The following PXDN variants were observed in gnomAD, a reference collection of about 807,000 sequenced individuals.
PXDN encodes peroxidasin.
A neutral mutation model predicts 140.3 loss-of-function variants in PXDN; 77 were observed. That is an observed-to-expected ratio of 0.55 (90% CI 0.46 to 0.66). The LOEUF (loss-of-function observed/expected upper bound fraction) is 0.66, where lower values mean the gene tolerates loss of function less well. Among genes scored for constraint, PXDN ranks in the 30% least tolerant of loss-of-function variants. The pLI is 0.00. For missense variants in PXDN, 1,838 were observed against 2,039.5 expected, an observed-to-expected ratio of 0.90 and a Z score of 1.90; for synonymous variants, 911 against 857.4, an observed-to-expected ratio of 1.06 and a Z score of -1.09.
intron 1 of PXDN, among the ~76,000 whole-genome samples, chr2:1,697,874 C>T (rs1244636126): frequency 6.6e-6 from 1 of 152,238 alleles, no homozygotes; most frequent in African/African-American, 2.4e-5. Context: ...GGGGCTCTGG[C>T]ACGCCCTCTA....
In PXDN at chr2:1,683,743, T is replaced by C; in HGVS notation, c.489-16A>G. 1 of 1,581,982 alleles carries C rather than the reference T, an allele frequency of 6.3e-7. No individual in the cohort carries two copies. The highest frequency in any genetic ancestry group is 8.6e-7 in the Non-Finnish European group (1 of 1,163,552). On this transcript the variant is annotated splice_polypyrimidine_tract_variant and intron_variant, in intron 5 of 22. Coordinates refer to ENST00000252804, the MANE Select transcript of PXDN (RefSeq NM_012293.3). ...ATGCAAAAATCTGTTGAAAGAGATTTTATAACAAACCAATTTTGAAAAATA... is the reference window on the plus strand; with the variant it reads ...ATGCAAAAATCTGTTGAAAGAGATTCTATAACAAACCAATTTTGAAAAATA...
rs1684089447 is a variant in PXDN, at chr2:1,687,507, TC to T, written c.416+124del. On this transcript the variant is annotated intron_variant, in intron 4 of 22. Coordinates refer to ENST00000252804, the MANE Select transcript of PXDN (RefSeq NM_012293.3). This position sits in a 1 kb window ranked among gnomAD's most constrained non-coding sequence, Gnocchi z 4.0. ...TGTTTTTCCGTCATCATGCACGTACTCCCCGCACCTCAGGTAGCATAGTCAT... is the reference window on the plus strand; with the variant it reads ...TGTTTTTCCGTCATCATGCACGTACTCCCGCACCTCAGGTAGCATAGTCAT... The T allele has an allele frequency of 4.8e-6, 3 of 621,680 alleles. No individual in the cohort carries two copies. The highest frequency in any genetic ancestry group is 7.5e-6 in the Non-Finnish European group (3 of 397,586). 38.5% of individuals were successfully genotyped at this position (621,680 alleles called of 1,614,324 possible).
At chr2:1,736,461 A>G (rs1247752722) in intron 1 of PXDN, among the ~76,000 whole-genome samples, 1 of 152,162 alleles carries the variant, frequency 6.6e-6, no homozygotes, top group Admixed American at 6.5e-5. Context: ...ATTTAGATTA[A>G]GTTTGTAGTC....
intron 12 of PXDN, 107 bp downstream of exon 12, chr2:1,663,498 C>A: frequency 2.1e-6 from 3 of 1,461,678 alleles, no homozygotes; most frequent in Non-Finnish European, 2.8e-6. Flanking sequence ...GAGAGAACAG[C>A]CAACGCTTTA....
In PXDN at chr2:1,660,936, A is replaced by C. The variant is rs1683290054; in HGVS notation, c.1782T>G (p.Cys594Trp). 1 of 1,613,980 alleles carries C rather than the reference A, an allele frequency of 6.2e-7. No homozygotes were observed. The highest frequency in any genetic ancestry group is 8.5e-7 in the Non-Finnish European group (1 of 1,179,884). The change falls in exon 14 of 23, where the codon TGT becomes TGG. Residue 594 changes from cysteine to tryptophan, a missense_variant. Around this residue, in one of 5 missense-constraint regions of PXDN, gnomAD observed 537 missense variants for 583.9 expected, o/e 0.92. Coordinates refer to ENST00000252804, the MANE Select transcript of PXDN (RefSeq NM_012293.3). This position sits in a 1 kb window ranked among gnomAD's most constrained non-coding sequence, Gnocchi z 4.6. ...CCGACCCAATGGTGTTCCGGGCCAC[A>C]CACTCATAGCGACCTGCGTCTGCAG... ...VGPADAGRYE[C>W]VARNTIGSAS...
intron 9 of PXDN, among the ~76,000 whole-genome samples, chr2:1,670,413 T>C (rs1238628876): frequency 6.6e-6 from 1 of 152,154 alleles, no homozygotes; most frequent in East Asian, 1.9e-4. Context: ...TTTTTGTATA[T>C]AGATAGGAAA....
At chr2:1,727,422 G>A (rs1020362306) in intron 1 of PXDN, among the ~76,000 whole-genome samples, 4 of 152,256 alleles carry the variant, frequency 2.6e-5, no homozygotes, top group African/African-American at 7.2e-5. Context: ...GCGCTAGGAG[G>A]TTTGCACGCA....
intron 16 of PXDN, among the ~76,000 whole-genome samples, chr2:1,652,342 A>G (rs75140236): frequency 0.014 from 2,092 of 152,242 alleles, 44 homozygotes; most frequent in African/African-American, 0.047. Context: ...AGAAGAGAAC[A>G]TGGCCTTTCT....
chr2:1,731,655 C>G (rs1181677353), intron 1 of PXDN, among the ~76,000 whole-genome samples: 3 of 152,170 alleles, frequency 2.0e-5, no homozygotes, highest in Non-Finnish European at 4.4e-5. Flanking sequence ...CAGCCACAGA[C>G]GAAATGGAGA....
rs1318363706 is a variant in PXDN, at chr2:1,691,916, T to A, written c.344+12A>T. The A allele has an allele frequency of 6.9e-7, 1 of 1,453,854 alleles. No individual in the cohort carries two copies. The highest frequency in any genetic ancestry group is 1.4e-5 in the African/African-American group (1 of 69,720). 90.1% of individuals were successfully genotyped at this position (1,453,854 alleles called of 1,614,324 possible). On this transcript the variant is annotated intron_variant, in intron 3 of 22. Coordinates refer to ENST00000252804, the MANE Select transcript of PXDN (RefSeq NM_012293.3). ...ATAAGCTTTTAGGTTAAAGAACTGATCATTAACTTACAGATATTTTAAATT... is the reference window on the plus strand; with the variant it reads ...ATAAGCTTTTAGGTTAAAGAACTGAACATTAACTTACAGATATTTTAAATT...
intron 1 of PXDN, among the ~76,000 whole-genome samples, chr2:1,717,280 G>T (rs1434709674): frequency 6.6e-6 from 1 of 152,134 alleles, no homozygotes; most frequent in Non-Finnish European, 1.5e-5. Flanking sequence ...CTGGCTGGTG[G>T]AAAGTCTGAC....
Position 1,649,724 on chromosome 2 carries a change from G to A in PXDN, c.2105-49C>T. ...CGCACTCAATTCCCCTGGAGGATGT[G>A]TGAGGGCCCGGTACCCCTTGGCACC... is the stretch of plus-strand genomic sequence containing the variant. On this transcript the variant is annotated intron_variant, in intron 16 of 22. Transcript: ENST00000252804. This position sits in a 1 kb window ranked among gnomAD's most constrained non-coding sequence, Gnocchi z 7.1. 6.3e-7 allele frequency: 1 copy of A among 1,596,454 alleles called. No individual in the cohort carries two copies. The highest frequency in any genetic ancestry group is 1.1e-5 in the South Asian group (1 of 90,224).
intron 14 of PXDN, among the ~76,000 whole-genome samples, chr2:1,655,292 G>A (rs140319450): frequency 0.013 from 1,843 of 146,212 alleles, 25 homozygotes; most frequent in Middle Eastern, 0.067. Flanking sequence ...GACACACCAC[G>A]CCACACATAA....
rs1682480427 is a variant in PXDN at position 1,634,012 on chromosome 2, T to A, written c.*192A>T. 7.0e-6 allele frequency: 5 copies of A among 710,600 alleles called. No individual in the cohort carries two copies. The highest frequency in any genetic ancestry group is 3.0e-5 in the East Asian group (1 of 33,632). 44.0% of individuals were successfully genotyped at this position (710,600 alleles called of 1,614,324 possible). Reference sequence around the variant, plus strand: ...TGCCTGCTTCCCTTCAGGCACCTGCTGTGCCTCCTTCTCCGCAGATGCTCT... The same window carrying A: ...TGCCTGCTTCCCTTCAGGCACCTGCAGTGCCTCCTTCTCCGCAGATGCTCT... On this transcript the variant is annotated 3_prime_UTR_variant, in exon 23 of 23. Coordinates refer to ENST00000252804, the MANE Select transcript of PXDN (RefSeq NM_012293.3).
At position 1,634,279 on chromosome 2, in the gene PXDN, G is replaced by A; in HGVS notation, c.4365C>T (p.Thr1455=). 6.2e-7 allele frequency: 1 copy of A among 1,607,126 alleles called. No homozygotes were observed. ...CTGGGATGTTCACGGGGACAGCACAGGTGGCAGGGGGGCAAGCTTCCACGA... is the reference window on the plus strand; with the variant it reads ...CTGGGATGTTCACGGGGACAGCACAAGTGGCAGGGGGGCAAGCTTCCACGA... ...TCFVEACPPA[T]CAVPVNIPGA... Residue 1455 remains threonine (T), a synonymous_variant, in exon 23 of 23, where the codon ACC becomes ACT. Transcript: ENST00000252804.
chr2:1,657,147 G>C (rs918889215), intron 14 of PXDN, among the ~76,000 whole-genome samples: 2 of 142,064 alleles, frequency 1.4e-5, no homozygotes, highest in South Asian at 2.3e-4. Context: ...TCCTGACTGG[G>C]GGGGGACCTG....
chr2:1,648,458 T>C lies in PXDN; in HGVS notation c.3322A>G (p.Ile1108Val), dbSNP rs773448335. 6.2e-6 allele frequency: 10 copies of C among 1,610,520 alleles called. No individual in the cohort carries two copies. In the South Asian group the frequency reaches 1.1e-4, roughly 18 times the overall value. The stretch of plus-strand genomic sequence containing the variant: ...GGATCGATGCCGCCCTCATTCACAA[T>C]CCGGAAGGGAGAGAAGAAAGCTTTG... ...LHKAFFSPFR[I>V]VNEGGIDPLL... Residue 1108 changes from isoleucine (I) to valine (V), a missense_variant, in exon 17 of 23, where the codon ATT becomes GTT. Around this residue, in one of 5 missense-constraint regions of PXDN, gnomAD observed 850 missense variants for 894.1 expected, o/e 0.95. Transcript: ENST00000252804. This position sits in a 1 kb window ranked among gnomAD's most constrained non-coding sequence, Gnocchi z 8.9.
chr2:1,679,150 G>A (rs553836517), intron 7 of PXDN, among the ~76,000 whole-genome samples: 1 of 150,662 alleles, frequency 6.6e-6, no homozygotes, highest in East Asian at 2.0e-4. Flanking sequence ...GATGGTGTGT[G>A]CATGTGTGTG....
At chr2:1,718,020 G>T (rs1212210235) in intron 1 of PXDN, among the ~76,000 whole-genome samples, 3 of 137,336 alleles carry the variant, frequency 2.2e-5, no homozygotes, top group Non-Finnish European at 4.6e-5. Context: ...CCCACTAACC[G>T]ACCACCCAAA....
Sources: allele counts gnomAD v4.1 joint callset (sites outside exome capture counted in the v4.1 genomes callset), GRCh38; gene constraint gnomAD v4.1.1; regional missense constraint gnomAD v4.1.1; non-coding constraint Gnocchi (gnomAD v3.1); transcripts MANE v1.5; gene names NCBI Gene and HGNC (gene_info 2026-07-23, HGNC 2026-07-21).